Variants in MOB3B observed in about 807,000 individuals in gnomAD.
MOB3B encodes the protein MOB kinase activator-like 2B.
MOB3B carries 7 observed loss-of-function variants against 18.7 expected under a neutral mutation model. The observed-to-expected ratio is 0.37, with a 90% CI of 0.21 to 0.70. The LOEUF (loss-of-function observed/expected upper bound fraction) is 0.70, where lower values mean the gene tolerates loss of function less well. Ranked by LOEUF, MOB3B falls within the 30% of genes least tolerant of loss-of-function variation. The pLI, the probability that MOB3B is intolerant of heterozygous loss-of-function variation, is 0.52. For synonymous variants in MOB3B, 111 were observed against 99.9 expected (o/e 1.11, Z -0.66); for missense variants, 253 against 281.3 (o/e 0.90, Z 0.72).
chr9:27,457,833 G>GT (rs1237416767), intron 1 of MOB3B, among the ~76,000 whole-genome samples: 9 of 152,208 alleles, frequency 5.9e-5, no homozygotes, highest in African/African-American at 1.9e-4. Context: ...AATAGCACCT[G>GT]TAAGGATATC....
intron 2 of MOB3B, among the ~76,000 whole-genome samples, chr9:27,427,231 C>A (rs1822347506): frequency 6.6e-6 from 1 of 152,158 alleles, no homozygotes; most frequent in Admixed American, 6.5e-5. Flanking sequence ...CTCCTTAGTA[C>A]AACCCATAGA....
intron 1 of MOB3B, among the ~76,000 whole-genome samples, chr9:27,472,609 C>G (rs1201746959): frequency 6.7e-6 from 1 of 149,076 alleles, no homozygotes; most frequent in African/African-American, 2.5e-5. Context: ...TAGTATCAGC[C>G]CAGCAAGAGA....
At chr9:27,358,639 A>C (rs994082359) in intron 3 of MOB3B, among the ~76,000 whole-genome samples, 3 of 152,220 alleles carry the variant, frequency 2.0e-5, no homozygotes, top group Non-Finnish European at 4.4e-5. Flanking sequence ...GTAGGTGCTA[A>C]ATATTTATTT....
chr9:27,506,773 G>A (rs369526356), intron 1 of MOB3B, among the ~76,000 whole-genome samples: 240 of 149,342 alleles, frequency 1.6e-3, no homozygotes, highest in Non-Finnish European at 2.3e-3. Flanking sequence ...CTCGTGATCC[G>A]CCAGCCTCGG....
chr9:27,346,406 G>A (rs754009395), intron 3 of MOB3B, among the ~76,000 whole-genome samples: 1 of 152,138 alleles, frequency 6.6e-6, no homozygotes, highest in Non-Finnish European at 1.5e-5. Flanking sequence ...GTGTGACATT[G>A]GACAAGTTAT....
At chr9:27,373,897 C>A (rs536299574) in intron 2 of MOB3B, among the ~76,000 whole-genome samples, 1 of 152,218 alleles carries the variant, frequency 6.6e-6, no homozygotes, top group African/African-American at 2.4e-5. Context: ...TTTGTCAGTA[C>A]CTAATGAACC....
rs769490467 is a variant in MOB3B, at chr9:27,424,409, C to T, written c.418+30724G>A. On this transcript the variant is annotated intron_variant, in intron 2 of 3. Transcript: ENST00000262244. Reference sequence around the variant, plus strand: ...CAAACTGAAGGCCCAAAGAGATACACAGGAACAGGGCAGGTCCCCAGTGAG... The same window carrying T: ...CAAACTGAAGGCCCAAAGAGATACATAGGAACAGGGCAGGTCCCCAGTGAG... Among the ~76,000 whole-genome samples the T allele has an allele frequency of 7.2e-5, 11 of 152,316 alleles. No individual in the cohort carries two copies. In the South Asian group the frequency reaches 1.2e-3, roughly 17 times the overall value.
intron 2 of MOB3B, among the ~76,000 whole-genome samples, chr9:27,379,993 A>C (rs1463429330): frequency 6.6e-6 from 1 of 152,160 alleles, no homozygotes; most frequent in Non-Finnish European, 1.5e-5. Context: ...GTCATTAAGT[A>C]TATTGACACA....
chr9:27,330,076 A>G lies in MOB3B; in HGVS notation c.*511T>C, dbSNP rs544806961. 6.4e-6 allele frequency: 1 copy of G among 155,210 alleles called. No individual in the cohort carries two copies. The highest frequency in any genetic ancestry group is 1.9e-4 in the East Asian group (1 of 5,240). 9.6% of individuals were successfully genotyped at this position (155,210 alleles called of 1,614,324 possible). On this transcript the variant is annotated 3_prime_UTR_variant, in exon 4 of 4. Transcript: ENST00000262244. ...CCTGCACAGTGTTAAACCACAGATC[A>G]GAGCAGGAGCTTTTAGAGACCTGAA...
intron 1 of MOB3B, among the ~76,000 whole-genome samples, chr9:27,456,658 A>G (rs965999386): frequency 2.6e-5 from 4 of 152,140 alleles, no homozygotes; most frequent in African/African-American, 4.8e-5. Flanking sequence ...TCACCTTCCA[A>G]TGTGCCGTCC....
chr9:27,407,585 T>C (rs1359170229), intron 2 of MOB3B, among the ~76,000 whole-genome samples: 1 of 152,124 alleles, frequency 6.6e-6, no homozygotes, highest in Non-Finnish European at 1.5e-5. Flanking sequence ...CCTCTCTTCT[T>C]GGAGAAGCAG....
Position 27,407,146 on chromosome 9 carries a change from C to A in MOB3B, c.419-47910G>T, listed in dbSNP as rs138755524. ...ACTACCACGCCCGGCCCAAAGATTT[C>A]TTGAGTAAGATTTCAGCCCCACTCT... On this transcript the variant is annotated intron_variant, in intron 2 of 3. Coordinates refer to ENST00000262244, the MANE Select transcript of MOB3B (RefSeq NM_024761.5). Among the ~76,000 whole-genome samples the A allele has an allele frequency of 3.1e-3, 476 of 152,262 alleles. 2 individuals carry two copies. The highest frequency in any genetic ancestry group is 0.01 in the African/African-American group (420 of 41,546).
In MOB3B at chr9:27,474,306, T is replaced by C. The variant is rs146340573; in HGVS notation, c.-198-18558A>G. 7.8e-4 allele frequency among the ~76,000 whole-genome samples: 119 copies of C among 152,326 alleles called. 2 individuals carry two copies. The highest frequency in any genetic ancestry group is 5.3e-4 in the Non-Finnish European group (36 of 68,022). On this transcript the variant is annotated intron_variant, in intron 1 of 3. Transcript: ENST00000262244. ...AGTTTCTTTCTGACTAATAAGGAAATAAATGTATACCTCATTACTGTATGA... is the reference window on the plus strand; with the variant it reads ...AGTTTCTTTCTGACTAATAAGGAAACAAATGTATACCTCATTACTGTATGA...
rs183041565 is a variant in MOB3B, at chr9:27,375,652, T to C, written c.419-16416A>G. On this transcript the variant is annotated intron_variant, in intron 2 of 3. Transcript: ENST00000262244. ...GGACAAAAGCCCCACACTCACCCCA[T>C]GCATCCTGAGGAGCCTCTAGCAACC... Among the ~76,000 whole-genome samples the C allele has an allele frequency of 6.6e-4, 100 of 152,262 alleles. 1 individual carries two copies. The highest frequency in any genetic ancestry group is 1.1e-3 in the Non-Finnish European group (76 of 68,004).
chr9:27,346,436 T>G (rs1821031967), intron 3 of MOB3B, among the ~76,000 whole-genome samples: 1 of 152,218 alleles, frequency 6.6e-6, no homozygotes, highest in African/African-American at 2.4e-5. Context: ...GCATCTGATT[T>G]TCTTCCTTTT....
chr9:27,498,263 C>T (rs367708674), intron 1 of MOB3B, among the ~76,000 whole-genome samples: 10 of 152,158 alleles, frequency 6.6e-5, no homozygotes, highest in East Asian at 5.8e-4. Context: ...CTTAAAAATA[C>T]GTTACTACTT....
chr9:27,378,864 C>T (rs1821531371), intron 2 of MOB3B: 1 of 375,858 alleles, frequency 2.7e-6, no homozygotes, highest in Non-Finnish European at 5.4e-6. Flanking sequence ...AATTGCAAAC[C>T]ACTTATCCAG....
intron 1 of MOB3B, among the ~76,000 whole-genome samples, chr9:27,521,531 G>A (rs700793): frequency 0.93 from 142,023 of 152,244 alleles, 66,807 homozygotes; most frequent in East Asian, 1. Context: ...ACAATTATCT[G>A]TTTTTTAAAA....
chr9:27,492,574 A>T (rs768126166), intron 1 of MOB3B, among the ~76,000 whole-genome samples: 1 of 152,208 alleles, frequency 6.6e-6, no homozygotes, highest in Non-Finnish European at 1.5e-5. Flanking sequence ...TAGCAGACCA[A>T]TAGGATTTAA....
Sources: allele counts gnomAD v4.1 joint callset (sites outside exome capture counted in the v4.1 genomes callset), GRCh38; gene constraint gnomAD v4.1.1; transcripts MANE v1.5; gene names NCBI Gene and HGNC (gene_info 2026-07-23, HGNC 2026-07-21).